The following RBFOX1 variants were observed in gnomAD, a reference collection of about 807,000 sequenced individuals.
RBFOX1 encodes RNA binding protein fox-1 homolog 1.
A neutral mutation model predicts 57.7 loss-of-function variants in RBFOX1; 8 were observed. That is an observed-to-expected ratio of 0.14 (90% CI 0.08 to 0.25). RBFOX1 has a LOEUF of 0.25. Ranked by LOEUF, RBFOX1 falls within the 10% of genes least tolerant of loss-of-function variation. The pLI is 1.00. For missense variants in RBFOX1, 611 were observed against 548.5 expected (o/e 1.11, Z -1.14); for synonymous variants, 326 against 222.4 (o/e 1.47, Z -4.15).
At position 5,841,921 on chromosome 16, in the gene RBFOX1, A is replaced by G. The variant is rs1037728364; in HGVS notation, c.319-25382A>G. Among the ~76,000 whole-genome samples the G allele has an allele frequency of 1.2e-3, 188 of 152,218 alleles. 2 individuals are homozygous for G. Among genetic ancestry groups the G allele is most frequent in the Non-Finnish European group, 5.9e-5 (4 of 68,036 alleles). On this transcript the variant is annotated intron_variant, in intron 3 of 19. Coordinates refer to the RBFOX1 transcript ENST00000641259. ...AGAGTCTCAAGTCTGATTTGAAATTAAACACCACCAGGTCTTTGCTCTAGG... is the reference window on the plus strand; with the variant it reads ...AGAGTCTCAAGTCTGATTTGAAATTGAACACCACCAGGTCTTTGCTCTAGG...
At chr16:5,823,237 A>G (rs566594006) in intron 3 of RBFOX1, among the ~76,000 whole-genome samples, 1 of 152,262 alleles carries the variant, frequency 6.6e-6, no homozygotes, top group African/African-American at 2.4e-5. Flanking sequence ...ATTCTAGCAT[A>G]AGTCCTTACA....
chr16:7,354,767 A>G (rs2146204656), intron 4 of RBFOX1, among the ~76,000 whole-genome samples: 1 of 152,284 alleles, frequency 6.6e-6, no homozygotes, highest in Admixed American at 6.5e-5. Flanking sequence ...GTAGCCCTCA[A>G]AACTGTGCCA....
chr16:5,307,365 C>T (rs1158494069), intron 1 of RBFOX1, among the ~76,000 whole-genome samples: 1 of 152,180 alleles, frequency 6.6e-6, no homozygotes, highest in African/African-American at 2.4e-5. Context: ...CTGATTCTCT[C>T]CCTGCCATCT....
intron 4 of RBFOX1, among the ~76,000 whole-genome samples, chr16:7,258,067 A>G (rs1267529505): frequency 6.6e-6 from 1 of 152,232 alleles, no homozygotes. Context: ...GTGCTGAAAT[A>G]TAAAATTCAG....
At chr16:6,917,169 C>T (rs539527399) in intron 3 of RBFOX1, among the ~76,000 whole-genome samples, 2 of 152,262 alleles carry the variant, frequency 1.3e-5, no homozygotes, top group East Asian at 1.9e-4. Flanking sequence ...ATTTTGTCCA[C>T]AGAGCAGACT....
chr16:7,288,906 G>T (rs1029660053), intron 4 of RBFOX1, among the ~76,000 whole-genome samples: 1 of 152,206 alleles, frequency 6.6e-6, no homozygotes, highest in African/African-American at 2.4e-5. Flanking sequence ...TAGGACATTG[G>T]CTATGCAGGG....
rs180896789 is a variant in RBFOX1 at position 6,779,644 on chromosome 16, G to C, written c.-16+124994G>C. ...TACGTTCCCACCAATAGTATACAAG[G>C]GTTCCCTCTTCTCCATATCCTTACC... On this transcript the variant is annotated intron_variant, in intron 3 of 15. Coordinates refer to ENST00000550418, the MANE Select transcript of RBFOX1 (RefSeq NM_018723.4). Among the ~76,000 whole-genome samples, 88 of 139,692 alleles carry C rather than the reference G, an allele frequency of 6.3e-4. 1 individual carries two copies. The East Asian group carries it at 0.014, about 22-fold the overall frequency. The allele number at this position is 139,692 out of a possible 152,430, so 91.6% of individuals were successfully genotyped here.
intron 4 of RBFOX1, among the ~76,000 whole-genome samples, chr16:5,997,489 A>C (rs942976956): frequency 6.6e-6 from 1 of 152,192 alleles, no homozygotes; most frequent in African/African-American, 2.4e-5. Flanking sequence ...TTTTGTGACT[A>C]TGTGGCAGAT....
In RBFOX1 at chr16:6,747,300, A is replaced by G. The variant is rs1327658287; in HGVS notation, c.-16+92650A>G. Among the ~76,000 whole-genome samples, 8 of 152,192 alleles carry G rather than the reference A, an allele frequency of 5.3e-5. No homozygotes were observed. The East Asian group carries it at 1.4e-3, about 26-fold the overall frequency. On this transcript the variant is annotated intron_variant, in intron 3 of 15. Transcript: ENST00000550418. ...GGTGTGTTTGAAATCCCAGCTACTC[A>G]AGAGGCTGAGGCAGGACAATTGCTT...
chr16:7,709,722 T>G, intron 15 of RBFOX1: 2 of 888,222 alleles, frequency 2.3e-6, no homozygotes, highest in Non-Finnish European at 2.6e-6. Flanking sequence ...CCTTTTGTTT[T>G]GGGGCAGGTC....
chr16:5,691,621 T>A (rs2050682758), intron 3 of RBFOX1, among the ~76,000 whole-genome samples: 1 of 152,226 alleles, frequency 6.6e-6, no homozygotes, highest in African/African-American at 2.4e-5. Flanking sequence ...GCATCTCTAA[T>A]CCAAAAATCT....
chr16:6,676,955 C>A (rs1382784028), intron 3 of RBFOX1, among the ~76,000 whole-genome samples: 1 of 152,064 alleles, frequency 6.6e-6, no homozygotes, highest in African/African-American at 2.4e-5. Context: ...GGATTACAGG[C>A]ATGAGCCACC....
rs867022358 is a variant in RBFOX1 at position 7,029,079 on chromosome 16, T to C, written c.-15-22978T>C. ...ATATATATATATATATATATATATATATACACACACACACACACACACACA... is the reference window on the plus strand; with the variant it reads ...ATATATATATATATATATATATATACATACACACACACACACACACACACA... On this transcript the variant is annotated intron_variant, in intron 3 of 15. Transcript: ENST00000550418. Among the ~76,000 whole-genome samples, 63 of 36,938 alleles carry C rather than the reference T, an allele frequency of 1.7e-3. 1 individual carries two copies. The highest frequency in any genetic ancestry group is 2.6e-3 in the African/African-American group (8 of 3,022). The allele number at this position is 36,938 out of a possible 152,430, so 24.2% of individuals were successfully genotyped here.
chr16:6,572,481 T>C (rs546889080), intron 2 of RBFOX1, among the ~76,000 whole-genome samples: 6 of 152,300 alleles, frequency 3.9e-5, no homozygotes, highest in African/African-American at 9.6e-5. Flanking sequence ...TGTACAAATA[T>C]ATATAAACTC....
At chr16:7,238,459 G>C (rs1364588734) in intron 4 of RBFOX1, among the ~76,000 whole-genome samples, 1 of 152,086 alleles carries the variant, frequency 6.6e-6, no homozygotes, top group Non-Finnish European at 1.5e-5. Flanking sequence ...CCTTTGCATG[G>C]TTGTTTCCCC....
Position 5,486,983 on chromosome 16 carries a change from C to G in RBFOX1, c.258+19729C>G, listed in dbSNP as rs948925132. On this transcript the variant is annotated intron_variant, in intron 2 of 2. Coordinates refer to the RBFOX1 transcript ENST00000585867. The stretch of plus-strand genomic sequence containing the variant: ...GTGGAGACTCCGGTCCCCTGTAATA[C>G]CCCCAGGCCTTTGCACAAAGTGTCC... Among the ~76,000 whole-genome samples, 3 of 152,244 alleles carry G rather than the reference C, an allele frequency of 2.0e-5. No homozygotes were observed. In the East Asian group the frequency reaches 5.8e-4, roughly 29 times the overall value.
intron 4 of RBFOX1, among the ~76,000 whole-genome samples, chr16:7,321,538 A>G (rs1345379494): frequency 6.6e-6 from 1 of 152,170 alleles, no homozygotes; most frequent in Admixed American, 6.5e-5. Flanking sequence ...TTTACCCTTC[A>G]CAAGCTGTGT....
chr16:6,594,305 G>A (rs1023500110), intron 2 of RBFOX1, among the ~76,000 whole-genome samples: 39 of 152,298 alleles, frequency 2.6e-4, no homozygotes, highest in African/African-American at 8.9e-4. Flanking sequence ...TACTTCCCAT[G>A]ACCCTGGGAG....
intron 3 of RBFOX1, among the ~76,000 whole-genome samples, chr16:6,760,503 G>A (rs929336055): frequency 3.3e-5 from 5 of 152,290 alleles, no homozygotes; most frequent in South Asian, 4.1e-4. Context: ...CAATCACAGC[G>A]GACTGAGTGG....
Sources: allele counts gnomAD v4.1 joint callset (sites outside exome capture counted in the v4.1 genomes callset), GRCh38; gene constraint gnomAD v4.1.1; transcripts MANE v1.5; gene names NCBI Gene and HGNC (gene_info 2026-07-23, HGNC 2026-07-21).